SETD1A: variants seen among roughly 807,000 people sequenced by gnomAD.
SETD1A encodes histone-lysine N-methyltransferase SETD1A.
In SETD1A, 29 loss-of-function variants were observed where a neutral mutation model predicts 149.9. That is an observed-to-expected ratio of 0.19 (90% CI 0.14 to 0.26). SETD1A has a LOEUF of 0.26. Among genes scored for constraint, SETD1A ranks in the 10% least tolerant of loss-of-function variants. The pLI is 1.00. For missense variants in SETD1A, 2,109 were observed against 2,353.1 expected (o/e 0.90, Z 2.15); for synonymous variants, 1,141 against 968.5 (o/e 1.18, Z -3.31).
chr16:30,965,985 G>A lies in SETD1A; in HGVS notation c.2104G>A (p.Ala702Thr), dbSNP rs150802841. 51 of 1,580,736 alleles carry A rather than the reference G, an allele frequency of 3.2e-5. No homozygotes were observed. Among genetic ancestry groups the A allele is most frequent in the Admixed American group, 1.1e-4 (6 of 55,604 alleles). Reference protein sequence around the residue: ...QLRQGKGLIAASAGPPGGAFG... With the variant: ...QLRQGKGLIATSAGPPGGAFG... ...GCGGCAGGGCAAGGGATTGATTGCC[G>A]CCTCAGCTGGCCCCCCCGGTGGGGC... Residue 702 changes from alanine (A) to threonine (T), a missense_variant, in exon 8 of 19, where the codon GCC becomes ACC. Around this residue, in one of 8 missense-constraint regions of SETD1A, gnomAD observed 431 missense variants for 388.6 expected, o/e 1.11. Coordinates refer to ENST00000262519, the MANE Select transcript of SETD1A (RefSeq NM_014712.3).
chr16:30,964,059 C>T (rs1356435297), intron 5 of SETD1A, 35 bp from the exon 6 acceptor site: 1 of 1,547,044 alleles, frequency 6.5e-7, no homozygotes, highest in African/African-American at 1.4e-5. Flanking sequence ...TGTTTGAGCC[C>T]ATTCCTCTCT....
intron 5 of SETD1A, 36 bp from the exon 6 acceptor site, chr16:30,964,058 C>T: frequency 1.3e-6 from 2 of 1,541,718 alleles, no homozygotes. Flanking sequence ...GTGTTTGAGC[C>T]CATTCCTCTC....
chr16:30,983,961 C>T lies in SETD1A; in HGVS notation c.5062C>T (p.Leu1688=), dbSNP rs2056419996. 1.2e-6 allele frequency: 2 copies of T among 1,614,152 alleles called. No individual in the cohort carries two copies. Among genetic ancestry groups the T allele is most frequent in the Middle Eastern group, 1.6e-4 (1 of 6,062 alleles). ...GATCACCTACGACTACAAGTTCCCA[C>T]TGGAAGACAACAAGATCCCGTGTCT... is the stretch of plus-strand genomic sequence containing the variant. ...EEITYDYKFP[L]EDNKIPCLCG... Residue 1688 remains leucine (L), a synonymous_variant, in exon 19 of 19, where the codon CTG becomes TTG. Transcript: ENST00000262519. The surrounding 1 kb of genome is among the most constrained non-coding windows in gnomAD (Gnocchi z 6.8).
At position 30,964,343 on chromosome 16, in the gene SETD1A, T is replaced by C; in HGVS notation, c.869+20T>C. 1 of 1,592,132 alleles carries C rather than the reference T, an allele frequency of 6.3e-7. No homozygotes were observed. The highest frequency in any genetic ancestry group is 8.6e-7 in the Non-Finnish European group (1 of 1,162,412). ...CAGCAGGTACAGAGCAGACCCCGCCTGGGGCCCCGCCCGCAAAGTCTGGGA... is the reference window on the plus strand; with the variant it reads ...CAGCAGGTACAGAGCAGACCCCGCCCGGGGCCCCGCCCGCAAAGTCTGGGA... On this transcript the variant is annotated intron_variant, in intron 6 of 18. Transcript: ENST00000262519.
In SETD1A at chr16:30,979,452, C is replaced by G. The variant is rs749411935; in HGVS notation, c.3666C>G (p.Pro1222=). 1 of 1,603,358 alleles carries G rather than the reference C, an allele frequency of 6.2e-7. No homozygotes were observed. The highest frequency in any genetic ancestry group is 1.7e-5 in the Admixed American group (1 of 58,106). The part of the protein sequence containing the change: ...LDHASLVKSW[P]EEVSRGGRSR... Reference sequence around the variant, plus strand: ...ACGCATCTCTGGTCAAGAGTTGGCCCGAGGAGGTGTCCCGAGGAGGCCGGA... The same window carrying G: ...ACGCATCTCTGGTCAAGAGTTGGCCGGAGGAGGTGTCCCGAGGAGGCCGGA... Residue 1222 remains proline, a synonymous_variant, in exon 14 of 19, where the codon CCC becomes CCG. Transcript: ENST00000262519.
At position 30,965,269 on chromosome 16, in the gene SETD1A, C is replaced by G. The variant is rs1258407181; in HGVS notation, c.1527C>G (p.Asp509Glu). 5 of 1,614,208 alleles carry G rather than the reference C, an allele frequency of 3.1e-6. No individual in the cohort carries two copies. The Admixed American group carries it at 6.7e-5, about 22-fold the overall frequency. Reference protein sequence around the residue: ...QRSKFSFLASDTEEEEENSSM... With the variant: ...QRSKFSFLASETEEEEENSSM... The stretch of plus-strand genomic sequence containing the variant: ...CCAAGTTTTCCTTCTTGGCCTCTGA[C>G]ACAGAGGAGGAGGAAGAGAACAGCA... Residue 509 changes from aspartate to glutamate, a missense_variant, in exon 7 of 19, where the codon GAC becomes GAG. Coordinates refer to ENST00000262519, the MANE Select transcript of SETD1A (RefSeq NM_014712.3).
rs1596690680 is a variant in SETD1A, at chr16:30,979,196, C to T, written c.3410C>T (p.Pro1137Leu). The stretch of plus-strand genomic sequence containing the variant: ...GCGCCTCTGCGTCCCCCAGAACCAC[C>T]TGCTGGGCCCCCGGCCCCTGCCCCA... ...PSAPLRPPEP[P>L]AGPPAPAPRP... is the part of the protein sequence containing the mutation. The change falls in exon 14 of 19, where the codon CCT becomes CTT. Residue 1137 changes from proline to leucine, a missense_variant. Pro to Leu is a moderately conservative substitution (Grantham distance 98). Transcript: ENST00000262519. The T allele has an allele frequency of 6.3e-7, 1 of 1,589,412 alleles. No homozygotes were observed.
Position 30,966,182 on chromosome 16 carries a change from G to C in SETD1A, c.2301G>C (p.Glu767Asp). 6.2e-7 allele frequency: 1 copy of C among 1,611,960 alleles called. No homozygotes were observed. Among genetic ancestry groups the C allele is most frequent in the Non-Finnish European group, 8.5e-7 (1 of 1,179,118 alleles). The part of the protein sequence containing the change: ...EPLPSSSVSG[E>D]EARLPPREEA... ...TGCCCTCCTCCTCAGTCTCGGGAGA[G>C]GAGGCCCGGCTGCCACCCAGGGAAG... Residue 767 changes from glutamate (E) to aspartate (D), a missense_variant, in exon 8 of 19, where the codon GAG (glutamate) becomes GAC (aspartate). Glu to Asp is a conservative substitution (Grantham distance 45). Coordinates refer to ENST00000262519, the MANE Select transcript of SETD1A (RefSeq NM_014712.3).
chr16:30,979,146 C>T lies in SETD1A; in HGVS notation c.3360C>T (p.Gly1120=), dbSNP rs1249298599. The change falls in exon 14 of 19, where the codon GGC becomes GGT. Residue 1120 remains glycine (G), a splice_region_variant and synonymous_variant. Transcript: ENST00000262519. The part of the protein sequence containing the change: ...EQEASPARPA[G]PTEESPPSAP... ...CCTTCCTATGTGCTTCCTTCCCAGG[C>T]CCCACGGAGGAGTCACCCCCCAGTG... 6.4e-7 allele frequency: 1 copy of T among 1,557,182 alleles called. No homozygotes were observed. The highest frequency in any genetic ancestry group is 2.3e-5 in the East Asian group (1 of 42,774).
chr16:30,964,366 G>C (rs773727069), intron 6 of SETD1A, 43 bp downstream of exon 6: 1 of 1,503,308 alleles, frequency 6.7e-7, no homozygotes, highest in South Asian at 1.1e-5. Flanking sequence ...GCAAAGTCTG[G>C]GAGCTGCCAC....
intron 13 of SETD1A, among the ~76,000 whole-genome samples, chr16:30,977,992 T>G (rs931192650): frequency 3.9e-5 from 6 of 151,990 alleles, no homozygotes; most frequent in African/African-American, 1.4e-4. Context: ...GATAGGACCC[T>G]CTGCTGGGTA....
rs1266759730 is a variant in SETD1A at position 30,975,120 on chromosome 16, C to T, written c.3358+3401C>T. Among the ~76,000 whole-genome samples, 3 of 151,876 alleles carry T rather than the reference C, an allele frequency of 2.0e-5. No individual in the cohort carries two copies. The East Asian group carries it at 5.8e-4, about 29-fold the overall frequency. On this transcript the variant is annotated intron_variant, in intron 13 of 18. Coordinates refer to ENST00000262519, the MANE Select transcript of SETD1A (RefSeq NM_014712.3). ...CCGAGATCGTGCCACTGCACTCCAG[C>T]CTGGTGACAGAGCGAGACTGTCTCC...
rs2056096398 is a variant in SETD1A, at chr16:30,964,126, A to G, written c.672A>G (p.Thr224=). ...CCCGCCGCCGCTCTTCCTCTGACAC[A>G]GCTGCCTACCCAGCAGGCACCACTG... The part of the protein sequence containing the change: ...AESRRRSSSD[T]AAYPAGTTAV... The change falls in exon 6 of 19, where the codon ACA becomes ACG. Residue 224 remains threonine (T), a synonymous_variant. Transcript: ENST00000262519. 6.2e-7 allele frequency: 1 copy of G among 1,614,032 alleles called. No homozygotes were observed. Among genetic ancestry groups the G allele is most frequent in the Non-Finnish European group, 8.5e-7 (1 of 1,179,992 alleles).
intron 4 of SETD1A, 30 bp from the exon 5 acceptor site, chr16:30,963,403 G>T: frequency 6.3e-7 from 1 of 1,576,432 alleles, no homozygotes; most frequent in South Asian, 1.2e-5. Context: ...ATCTCCATCT[G>T]ACAATTGGTT....
chr16:30,967,551 G>A lies in SETD1A; in HGVS notation c.2733G>A (p.Arg911=). The change falls in exon 10 of 19, where the codon AGG becomes AGA. Residue 911 remains arginine (R), a synonymous_variant. Coordinates refer to ENST00000262519, the MANE Select transcript of SETD1A (RefSeq NM_014712.3). ...SEISEASEEK[R]PRPSTPAEED... ...TTTCCGAGGCCAGTGAGGAAAAGAGGCCTCGTCCCTCCACTCCTGCTGAGG... is the reference window on the plus strand; with the variant it reads ...TTTCCGAGGCCAGTGAGGAAAAGAGACCTCGTCCCTCCACTCCTGCTGAGG... The A allele has an allele frequency of 6.2e-7, 1 of 1,613,956 alleles. No individual in the cohort carries two copies. The highest frequency in any genetic ancestry group is 8.5e-7 in the Non-Finnish European group (1 of 1,179,956).
At chr16:30,981,262 T>A in intron 17 of SETD1A, 82 bp downstream of exon 17, 1 of 1,566,406 alleles carries the variant, frequency 6.4e-7, no homozygotes, top group Non-Finnish European at 8.7e-7. Flanking sequence ...GTTTGTCCGG[T>A]TAAAGCCTTG....
rs576106424 is a variant in SETD1A at position 30,970,412 on chromosome 16, T to C, written c.3016+723T>C. Among the ~76,000 whole-genome samples the C allele has an allele frequency of 8.2e-4, 125 of 151,602 alleles. 1 individual carries two copies. Among genetic ancestry groups the C allele is most frequent in the African/African-American group, 3.0e-3 (123 of 41,258 alleles). On this transcript the variant is annotated intron_variant, in intron 12 of 18. Transcript: ENST00000262519. ...CCTCCCAAAGCGCTGGGATTACAGG[T>C]GTGAGCCACCACACCTGGCTAATTT...
rs1473427770 is a variant in SETD1A at position 30,964,971 on chromosome 16, C to A, written c.1229C>A (p.Thr410Asn). 6.2e-7 allele frequency: 1 copy of A among 1,614,138 alleles called. No homozygotes were observed. The highest frequency in any genetic ancestry group is 1.1e-5 in the South Asian group (1 of 91,078). The change falls in exon 7 of 19, where the codon ACC becomes AAC. Residue 410 changes from threonine (T) to asparagine (N), a missense_variant. By Grantham distance (65) the Thr-to-Asn change is moderately conservative. Transcript: ENST00000262519. ...NTAERFPPSY[T>N]SYLPPEPSRP... ...GCTGAGCGCTTCCCACCTTCTTACA[C>A]CTCCTACCTGCCCCCCGAGCCCAGC...
At chr16:30,960,150 G>A (rs912348025) in intron 3 of SETD1A, among the ~76,000 whole-genome samples, 21 of 151,792 alleles carry the variant, frequency 1.4e-4, no homozygotes, top group Admixed American at 6.6e-5. Flanking sequence ...CATTTCACCT[G>A]GTCTCCTTGC....
Sources: allele counts gnomAD v4.1 joint callset (sites outside exome capture counted in the v4.1 genomes callset), GRCh38; gene constraint gnomAD v4.1.1; regional missense constraint gnomAD v4.1.1; non-coding constraint Gnocchi (gnomAD v3.1); transcripts MANE v1.5; gene names NCBI Gene and HGNC (gene_info 2026-07-23, HGNC 2026-07-21).